PACS1: variants seen among roughly 807,000 people sequenced by gnomAD.
PACS1 encodes the protein PACS-1.
PACS1 carries 24 observed loss-of-function variants against 115.0 expected under a neutral mutation model. That is an observed-to-expected ratio of 0.21 (90% CI 0.15 to 0.29). The LOEUF (loss-of-function observed/expected upper bound fraction) is 0.29, where lower values mean the gene tolerates loss of function less well. Among genes scored for constraint, PACS1 ranks in the 10% least tolerant of loss-of-function variants. The probability of loss-of-function intolerance (pLI) is 1.00; values close to 1 mark genes in which losing one functional copy is unlikely to be tolerated. For synonymous variants in PACS1, 453 were observed against 504.5 expected, an observed-to-expected ratio of 0.90 and a Z score of 1.37; for missense variants, 838 against 1,251.2, an observed-to-expected ratio of 0.67 and a Z score of 4.98.
At chr11:66,205,709 C>G (rs1168795685) in intron 2 of PACS1, among the ~76,000 whole-genome samples, 1 of 147,000 alleles carries the variant, frequency 6.8e-6, no homozygotes, top group East Asian at 2.0e-4. Context: ...GCCCAGGCAG[C>G]TCTTATACTC....
chr11:66,076,234 T>G (rs1039760877), intron 1 of PACS1, among the ~76,000 whole-genome samples: 13 of 152,228 alleles, frequency 8.5e-5, no homozygotes, highest in African/African-American at 3.1e-4. Flanking sequence ...TTTGGACACC[T>G]TAGCGGTTAT....
At chr11:66,204,149 C>T (rs766208929) in intron 2 of PACS1, among the ~76,000 whole-genome samples, 1 of 152,014 alleles carries the variant, frequency 6.6e-6, no homozygotes, top group Non-Finnish European at 1.5e-5. Flanking sequence ...GTCCATCTGA[C>T]AAGGGATTAA....
intron 1 of PACS1, among the ~76,000 whole-genome samples, chr11:66,099,419 T>A (rs1298885547): frequency 6.6e-6 from 1 of 151,702 alleles, no homozygotes; most frequent in Non-Finnish European, 1.5e-5. Flanking sequence ...AGAGATGGGG[T>A]TTCACTGTGT....
intron 19 of PACS1, chr11:66,238,219 A>G: frequency 1.0e-6 from 1 of 985,376 alleles, no homozygotes; most frequent in Non-Finnish European, 1.2e-6. Context: ...AGAGAGGAGA[A>G]GGCTGGTGTC....
intron 10 of PACS1, 113 bp downstream of exon 10, chr11:66,221,360 C>T (rs1015963006): frequency 4.3e-6 from 4 of 926,826 alleles, no homozygotes; most frequent in Non-Finnish European, 6.9e-6. Flanking sequence ...GAAAAGTGGC[C>T]CCATTGGCTG....
intron 1 of PACS1, among the ~76,000 whole-genome samples, chr11:66,140,554 A>T (rs1858955406): frequency 6.6e-6 from 1 of 152,074 alleles, no homozygotes; most frequent in Non-Finnish European, 1.5e-5. Flanking sequence ...TCGTTTTTTT[A>T]AATGTGTGAA....
intron 4 of PACS1, among the ~76,000 whole-genome samples, chr11:66,215,667 G>A (rs1855183520): frequency 6.6e-6 from 1 of 151,926 alleles, no homozygotes; most frequent in Non-Finnish European, 1.5e-5. Context: ...GGGAGGCCGA[G>A]GCGGGCAGAT....
chr11:66,192,442 G>T (rs1484142395), intron 1 of PACS1, among the ~76,000 whole-genome samples: 1 of 152,228 alleles, frequency 6.6e-6, no homozygotes, highest in Non-Finnish European at 1.5e-5. Context: ...AGGAACAGCA[G>T]CCTCCAAAGG....
chr11:66,219,317 C>T (rs1316974653), intron 7 of PACS1, among the ~76,000 whole-genome samples: 2 of 151,686 alleles, frequency 1.3e-5, no homozygotes, highest in Admixed American at 6.6e-5. Context: ...GGTGTGTTGG[C>T]GACATCAGTA....
intron 1 of PACS1, among the ~76,000 whole-genome samples, chr11:66,122,839 G>A (rs568841270): frequency 6.7e-4 from 102 of 152,320 alleles, no homozygotes; most frequent in Non-Finnish European, 1.2e-3. Context: ...TGGTAAAGAT[G>A]CTGTGAACAC....
In PACS1 at chr11:66,241,436, T is replaced by G. The variant is rs765148519; in HGVS notation, c.2439T>G (p.Asn813Lys). 6.3e-7 allele frequency: 1 copy of G among 1,593,720 alleles called. No individual in the cohort carries two copies. Among genetic ancestry groups the G allele is most frequent in the South Asian group, 1.1e-5 (1 of 88,356 alleles). The change falls in exon 22 of 24, where the codon AAT (asparagine) becomes AAG (lysine). Residue 813 changes from asparagine (N) to lysine (K), a missense_variant. Around this residue, in one of 6 missense-constraint regions of PACS1, gnomAD observed 383 missense variants for 537.0 expected, o/e 0.71. Transcript: ENST00000320580. Reference sequence around the variant, plus strand: ...TGTTCCCTTTCCTCAGGAGCCCTAATAGCCCATATGGGGACGTGATTGGCC... The same window carrying G: ...TGTTCCCTTTCCTCAGGAGCCCTAAGAGCCCATATGGGGACGTGATTGGCC... ...SSALAIVGSPNSPYGDVIGLQ... is the reference protein window; with the variant it reads ...SSALAIVGSPKSPYGDVIGLQ...
intron 1 of PACS1, among the ~76,000 whole-genome samples, chr11:66,090,796 G>T (rs1857647353): frequency 6.6e-6 from 1 of 152,096 alleles, no homozygotes; most frequent in South Asian, 2.1e-4. Context: ...GAATATAGGT[G>T]ATATATTATT....
chr11:66,103,500 T>G (rs1857966531), intron 1 of PACS1, among the ~76,000 whole-genome samples: 1 of 145,600 alleles, frequency 6.9e-6, no homozygotes, highest in Admixed American at 7.5e-5. Flanking sequence ...TTCTTTTCAG[T>G]TTTTTGTTTG....
chr11:66,120,146 C>T (rs1057293377), intron 1 of PACS1, among the ~76,000 whole-genome samples: 1 of 45,062 alleles, frequency 2.2e-5, no homozygotes, highest in Non-Finnish European at 4.4e-5. Context: ...TGTCTGTGAA[C>T]TCTTTTTTTT....
In PACS1 at chr11:66,232,912, G is replaced by A. The variant is rs1183365304; in HGVS notation, c.1732-48G>A. The A allele has an allele frequency of 2.2e-6, 3 of 1,375,290 alleles. No individual in the cohort carries two copies. The Admixed American group carries it at 5.1e-5, about 23-fold the overall frequency. 85.2% of individuals were successfully genotyped at this position (1,375,290 alleles called of 1,614,324 possible). On this transcript the variant is annotated intron_variant, in intron 14 of 23. Coordinates refer to ENST00000320580, the MANE Select transcript of PACS1 (RefSeq NM_018026.4). ...CTTGCCTCTTGGCCCTTGTGAAGGA[G>A]TGATGTGTTCTCACCTGTGTCCCTG...
intron 1 of PACS1, among the ~76,000 whole-genome samples, chr11:66,090,005 CAAAAAAAAAA>C (rs33912143): frequency 1.2e-5 from 1 of 80,596 alleles, no homozygotes; most frequent in Non-Finnish European, 2.2e-5. Flanking sequence ...GACTCCATCT[CAAAAAAAAAA>C]AAAAAAAAAA....
intron 10 of PACS1, among the ~76,000 whole-genome samples, chr11:66,224,832 C>T (rs547229640): frequency 1.3e-5 from 2 of 152,342 alleles, no homozygotes; most frequent in Admixed American, 1.3e-4. Flanking sequence ...TGTGCACGCA[C>T]CACCTCAACT....
At chr11:66,188,078 T>G (rs1854426121) in intron 1 of PACS1, among the ~76,000 whole-genome samples, 1 of 152,202 alleles carries the variant, frequency 6.6e-6, no homozygotes. Context: ...GTTGAATTTT[T>G]TTTTTATATG....
Position 66,230,944 on chromosome 11 carries a change from C to T in PACS1, c.1626+4C>T. On this transcript the variant is annotated splice_donor_region_variant and intron_variant, in intron 13 of 23. Transcript: ENST00000320580. ...AGATCTGGGCCACAGCACGCAGGTA[C>T]TTCTGGGTGCCCCCAAAACACCAGG... The T allele has an allele frequency of 6.2e-7, 1 of 1,613,796 alleles. No individual in the cohort carries two copies. Among genetic ancestry groups the T allele is most frequent in the Non-Finnish European group, 8.5e-7 (1 of 1,180,008 alleles).
Sources: allele counts gnomAD v4.1 joint callset (sites outside exome capture counted in the v4.1 genomes callset), GRCh38; gene constraint gnomAD v4.1.1; regional missense constraint gnomAD v4.1.1; transcripts MANE v1.5; gene names NCBI Gene and HGNC (gene_info 2026-07-23, HGNC 2026-07-21).